Variants in EMC3 observed in about 807,000 individuals in gnomAD.
EMC3 encodes the protein 30 kDa protein.
A neutral mutation model predicts 36.6 loss-of-function variants in EMC3; 13 were observed. The observed-to-expected ratio is 0.35, with a 90% CI of 0.23 to 0.56. The LOEUF is 0.56. Ranked by LOEUF, EMC3 falls within the 20% of genes least tolerant of loss-of-function variation. The probability of loss-of-function intolerance (pLI) is 0.84; values close to 1 mark genes in which losing one functional copy is unlikely to be tolerated. For synonymous variants in EMC3, 120 were observed against 111.9 expected (o/e 1.07, Z -0.46); for missense variants, 220 against 324.5 (o/e 0.68, Z 2.47).
intron 1 of EMC3, chr3:10,003,962 A>G (rs1049509673): frequency 2.0e-5 from 3 of 152,474 alleles, no homozygotes; most frequent in African/African-American, 7.2e-5. Flanking sequence ...TTGGTACCAC[A>G]TTCCATGATG....
In EMC3 at chr3:9,963,477, A is replaced by ATATATTTTTT. The variant is rs61596273; in HGVS notation, c.*591_*592insAAAAAATATA. ...TAGATATATATATATATATATATATATTTTTTTTTTTTTTTCAGATGGAGT... is the reference window on the plus strand; with the variant it reads ...TAGATATATATATATATATATATATATATATTTTTTTTTTTTTTTTTTTTTCAGATGGAGT... On this transcript the variant is annotated 3_prime_UTR_variant, in exon 8 of 8. Coordinates refer to ENST00000245046, the MANE Select transcript of EMC3 (RefSeq NM_001394674.1). 2.8e-4 allele frequency: 25 copies of ATATATTTTTT among 88,904 alleles called. No individual in the cohort carries two copies. The highest frequency in any genetic ancestry group is 4.5e-4 in the Non-Finnish European group (21 of 46,254). The allele number at this position is 88,904 out of a possible 1,614,324, so 5.5% of individuals were successfully genotyped here.
chr3:9,980,421 A>C (rs2085897865), intron 1 of EMC3, among the ~76,000 whole-genome samples: 1 of 151,070 alleles, frequency 6.6e-6, no homozygotes, highest in Admixed American at 6.6e-5. Flanking sequence ...GCTGGAGTGC[A>C]GTGGTACAAT....
chr3:9,993,767 G>T (rs1163669376), intron 1 of EMC3, among the ~76,000 whole-genome samples: 1 of 152,116 alleles, frequency 6.6e-6, no homozygotes, highest in Non-Finnish European at 1.5e-5. Flanking sequence ...TATTGATAGA[G>T]CATGATCACT....
chr3:9,988,079 C>A (rs924182011), upstream of EMC3: 34 of 591,996 alleles, frequency 5.7e-5, no homozygotes, highest in Non-Finnish European at 1.9e-5. Context: ...ATCCCACAGT[C>A]AGAGTTGGAG....
At chr3:9,983,565 G>A (rs771896615) in intron 1 of EMC3, among the ~76,000 whole-genome samples, 2 of 152,032 alleles carry the variant, frequency 1.3e-5, no homozygotes, top group Non-Finnish European at 2.9e-5. Context: ...GCAGCCACTC[G>A]AGAGGTTGAG....
At chr3:9,984,457 T>G (rs1469886554) in intron 1 of EMC3, among the ~76,000 whole-genome samples, 4 of 151,420 alleles carry the variant, frequency 2.6e-5, no homozygotes, top group African/African-American at 4.9e-5. Context: ...TGGCGCGATC[T>G]TGGCTCACTG....
Position 9,970,546 on chromosome 3 carries a change from G to A in EMC3, c.574+36C>T, listed in dbSNP as rs762058276. The A allele has an allele frequency of 5.6e-6, 9 of 1,599,344 alleles. No individual in the cohort carries two copies. The South Asian group carries it at 9.9e-5, about 18-fold the overall frequency. ...CTCTAATATGGATGATTCATCTATGGAAGTATTTGCTTAGTAAACCTGACA... is the reference window on the plus strand; with the variant it reads ...CTCTAATATGGATGATTCATCTATGAAAGTATTTGCTTAGTAAACCTGACA... On this transcript the variant is annotated intron_variant, in intron 6 of 7. Coordinates refer to ENST00000245046, the MANE Select transcript of EMC3 (RefSeq NM_001394674.1).
chr3:9,982,875 G>T (rs1244720443), intron 1 of EMC3, among the ~76,000 whole-genome samples: 1 of 148,404 alleles, frequency 6.7e-6, no homozygotes, highest in African/African-American at 2.5e-5. Context: ...GACACAGCAA[G>T]ACTTGTCACT....
Position 9,963,886 on chromosome 3 carries a change from C to A in EMC3, c.*183G>T. 1 of 876,454 alleles carries A rather than the reference C, an allele frequency of 1.1e-6. No individual in the cohort carries two copies. Among genetic ancestry groups the A allele is most frequent in the Non-Finnish European group, 1.7e-6 (1 of 585,034 alleles). The allele number at this position is 876,454 out of a possible 1,614,324, so 54.3% of individuals were successfully genotyped here. On this transcript the variant is annotated 3_prime_UTR_variant, in exon 8 of 8. Transcript: ENST00000245046. ...ATTTTAAAAATAACAAGTTGCCCAG[C>A]ATACTCCTATTTCCTCTAGTTTCAA...
chr3:9,973,113 C>T (rs770686915), intron 5 of EMC3, among the ~76,000 whole-genome samples: 28 of 151,212 alleles, frequency 1.9e-4, no homozygotes, highest in Non-Finnish European at 3.4e-4. Flanking sequence ...TGTGAGCCAC[C>T]GCACCCAGCC....
intron 3 of EMC3, among the ~76,000 whole-genome samples, chr3:9,975,815 GAAAA>G (rs56879267): frequency 1.2e-3 from 106 of 88,088 alleles, no homozygotes; most frequent in Non-Finnish European, 1.5e-3. Context: ...CCTTTCTGAA[GAAAA>G]AAAAAAAAAA....
upstream of EMC3, chr3:9,988,288 A>G (rs2086003043): frequency 1.3e-5 from 9 of 691,010 alleles, no homozygotes; most frequent in Non-Finnish European, 2.2e-5. Context: ...TCCAGGGTAC[A>G]TGGCTACTAA....
intron 1 of EMC3, among the ~76,000 whole-genome samples, chr3:9,984,671 A>T (rs1234753321): frequency 6.6e-6 from 1 of 152,086 alleles, no homozygotes; most frequent in East Asian, 1.9e-4. Context: ...GAGTACAGGC[A>T]TGAGCCACCA....
chr3:9,969,375 G>T (rs1238294480), intron 7 of EMC3: 4 of 1,145,348 alleles, frequency 3.5e-6, no homozygotes, highest in South Asian at 2.0e-5. Context: ...TCTTAGTATT[G>T]TTTTTTTAAT....
chr3:9,969,626 C>A (rs1299741255), intron 7 of EMC3, 93 bp downstream of exon 7: 1 of 1,594,828 alleles, frequency 6.3e-7, no homozygotes, highest in Non-Finnish European at 8.5e-7. Flanking sequence ...GATGGAACCA[C>A]ACAACACTCC....
chr3:9,979,256 C>A (rs1230137240), intron 1 of EMC3, among the ~76,000 whole-genome samples: 2 of 152,156 alleles, frequency 1.3e-5, no homozygotes, highest in Non-Finnish European at 2.9e-5. Context: ...GATTTAGAGA[C>A]TTTTATAATA....
At chr3:9,968,819 ATTT>A (rs561309442) in intron 7 of EMC3, 6 of 128,946 alleles carry the variant, frequency 4.7e-5, no homozygotes, top group East Asian at 2.3e-4. Flanking sequence ...TCATTTTTGT[ATTT>A]TTTTTTTTTT....
intron 1 of EMC3, among the ~76,000 whole-genome samples, chr3:9,993,465 A>G (rs2086080736): frequency 6.6e-6 from 1 of 152,240 alleles, no homozygotes; most frequent in South Asian, 2.1e-4. Flanking sequence ...TTAGGAGCTA[A>G]TGAGAATACC....
At chr3:10,002,781 A>G (rs1356191210) in intron 1 of EMC3, 7 of 454,788 alleles carry the variant, frequency 1.5e-5, no homozygotes, top group Non-Finnish European at 2.2e-5. Context: ...CCCTGGCTCA[A>G]CAAGCCTTCC....
Sources: allele counts gnomAD v4.1 joint callset (sites outside exome capture counted in the v4.1 genomes callset), GRCh38; gene constraint gnomAD v4.1.1; transcripts MANE v1.5; gene names NCBI Gene and HGNC (gene_info 2026-07-23, HGNC 2026-07-21).